The following ZEB2 variants were observed in gnomAD, a reference collection of about 807,000 sequenced individuals.
The protein encoded by ZEB2 is zinc finger E-box-binding homeobox 2.
A neutral mutation model predicts 99.9 loss-of-function variants in ZEB2; 6 were observed. That is an observed-to-expected ratio of 0.06 (90% CI 0.03 to 0.12). ZEB2 has a LOEUF of 0.12. ZEB2 is among the 10% of genes least tolerant of loss of function. The pLI is 1.00. For missense variants in ZEB2, 969 were observed against 1,502.8 expected (o/e 0.64, Z 5.87); for synonymous variants, 517 against 542.5 (o/e 0.95, Z 0.65).
Position 144,386,024 on chromosome 2 carries a change from T to G in ZEB2, c.*3427A>C, listed in dbSNP as rs1703078385. ...TCTCTCTTCCCAGTTATTTCAGGCC[T>G]AAGCTTACAGTGTCATGTGAAGAAA... On this transcript the variant is annotated 3_prime_UTR_variant, in exon 10 of 10. Transcript: ENST00000627532. The G allele has an allele frequency of 6.6e-6, 1 of 152,162 alleles. No individual in the cohort carries two copies. Among genetic ancestry groups the G allele is most frequent in the Non-Finnish European group, 1.5e-5 (1 of 68,024 alleles). 9.4% of individuals were successfully genotyped at this position (152,162 alleles called of 1,614,324 possible). A position where few individuals can be genotyped will look rare whatever the true frequency, so the allele number is the denominator to read the frequency against.
At chr2:144,414,642 G>A (rs981664663) in intron 4 of ZEB2, among the ~76,000 whole-genome samples, 2 of 152,178 alleles carry the variant, frequency 1.3e-5, no homozygotes, top group Admixed American at 1.3e-4. Context: ...GGTACAGTGA[G>A]GTTAGTGATT....
chr2:144,419,193 C>T lies in ZEB2; in HGVS notation c.403+5603G>A, dbSNP rs1054048798. Among the ~76,000 whole-genome samples the T allele has an allele frequency of 2.6e-5, 4 of 152,034 alleles. No individual in the cohort carries two copies. In the East Asian group the frequency reaches 5.8e-4, roughly 22 times the overall value. On this transcript the variant is annotated intron_variant, in intron 4 of 9. Coordinates refer to ENST00000627532, the MANE Select transcript of ZEB2 (RefSeq NM_014795.4). ...ATTGGTCTCTAGAATCTGGAGCCTC[C>T]CAAAACAATTGCCTCTCATATGTGA... is the stretch of plus-strand genomic sequence containing the variant.
At chr2:144,419,901 T>A (rs1703597001) in intron 4 of ZEB2, among the ~76,000 whole-genome samples, 2 of 152,194 alleles carry the variant, frequency 1.3e-5, no homozygotes. Flanking sequence ...TTAATCTAAC[T>A]TTGTTGTTAA....
At chr2:144,505,428 G>A (rs1704939030) in intron 2 of ZEB2, among the ~76,000 whole-genome samples, 1 of 152,162 alleles carries the variant, frequency 6.6e-6, no homozygotes, top group Non-Finnish European at 1.5e-5. Context: ...ACTAGATAAA[G>A]CCTGCCAGAA....
chr2:144,517,848 C>A, intron 1 of ZEB2: 1 of 548,236 alleles, frequency 1.8e-6, no homozygotes. Context: ...CCCCAATTCC[C>A]AGAGGAAACA....
chr2:144,399,508 C>T lies in ZEB2; in HGVS notation c.1679G>A (p.Arg560His), dbSNP rs370504406. The T allele has an allele frequency of 5.6e-6, 9 of 1,614,028 alleles. No homozygotes were observed. Among genetic ancestry groups the T allele is most frequent in the South Asian group, 1.1e-5 (1 of 91,092 alleles). The change falls in exon 8 of 10, where the codon CGT becomes CAT. Residue 560 changes from arginine to histidine, a missense_variant. This residue lies in a region of ZEB2 where 227 missense variants were observed against 278.2 expected (regional missense o/e 0.82). Coordinates refer to ENST00000627532, the MANE Select transcript of ZEB2 (RefSeq NM_014795.4). The surrounding 1 kb of genome is among the most constrained non-coding windows in gnomAD (Gnocchi z 5.6). ...ATCAGTGACCAAATCTATTAAAGTA[C>T]GTAGCTTCTCTTTCTTTATATTACT... Reference protein sequence around the residue: ...QISNIKKEKLRTLIDLVTDDK... With the variant: ...QISNIKKEKLHTLIDLVTDDK...
rs1386801811 is a variant in ZEB2 at position 144,384,676 on chromosome 2, T to A, written c.*4775A>T. 6.6e-6 allele frequency: 1 copy of A among 152,088 alleles called. No individual in the cohort carries two copies. The highest frequency in any genetic ancestry group is 1.5e-5 in the Non-Finnish European group (1 of 67,974). 9.4% of individuals were successfully genotyped at this position (152,088 alleles called of 1,614,324 possible). A position where few individuals can be genotyped will look rare whatever the true frequency, so the allele number is the denominator to read the frequency against. On this transcript the variant is annotated 3_prime_UTR_variant, in exon 10 of 10. Coordinates refer to ENST00000627532, the MANE Select transcript of ZEB2 (RefSeq NM_014795.4). ...AAAATATTGTCTAAAAAGTTTGTTTTGTCTGCATGATTTACTAAATATGTA... is the reference window on the plus strand; with the variant it reads ...AAAATATTGTCTAAAAAGTTTGTTTAGTCTGCATGATTTACTAAATATGTA...
intron 2 of ZEB2, among the ~76,000 whole-genome samples, chr2:144,471,501 C>T (rs992227944): frequency 6.6e-6 from 1 of 151,928 alleles, no homozygotes. Context: ...TTGTCATGCA[C>T]ACTCTTCTCT....
rs754087167 is a variant in ZEB2, at chr2:144,399,976, A to T, written c.1211T>A (p.Met404Lys). Residue 404 changes from methionine to lysine, a missense_variant, in exon 8 of 10, where the codon ATG (methionine) becomes AAG (lysine). By Grantham distance (95) the Met-to-Lys change is moderately conservative (BLOSUM62 -1). Coordinates refer to ENST00000627532, the MANE Select transcript of ZEB2 (RefSeq NM_014795.4). The surrounding 1 kb of genome is among the most constrained non-coding windows in gnomAD (Gnocchi z 5.6). The stretch of plus-strand genomic sequence containing the variant: ...AGTGCCACTAAACCCGTGTGTAGCC[A>T]TAAGAACTTTATAGTCATTGAAGTC... ...PLDFNDYKVL[M>K]ATHGFSGTSP... The T allele has an allele frequency of 6.2e-7, 1 of 1,614,242 alleles. No individual in the cohort carries two copies. The highest frequency in any genetic ancestry group is 8.5e-7 in the Non-Finnish European group (1 of 1,180,036).
intron 2 of ZEB2, among the ~76,000 whole-genome samples, chr2:144,472,762 C>T (rs1336709780): frequency 2.0e-5 from 3 of 151,954 alleles, no homozygotes; most frequent in Admixed American, 6.6e-5. Context: ...GTACCAGGAA[C>T]ATGTATACCA....
chr2:144,473,647 C>T (rs1296271020), intron 2 of ZEB2, among the ~76,000 whole-genome samples: 1 of 152,106 alleles, frequency 6.6e-6, no homozygotes, highest in East Asian at 1.9e-4. Context: ...TGCTAGAGAA[C>T]AGGATGTGCA....
chr2:144,453,960 T>C (rs921328825), intron 2 of ZEB2, among the ~76,000 whole-genome samples: 38 of 152,196 alleles, frequency 2.5e-4, no homozygotes, highest in African/African-American at 8.7e-4. Flanking sequence ...CGCAATGCCG[T>C]GTTAGAATAT....
chr2:144,517,839 C>A (rs146919201), intron 1 of ZEB2: 335 of 569,934 alleles, frequency 5.9e-4, no homozygotes, highest in Non-Finnish European at 8.8e-4. Flanking sequence ...CCCCCCACCC[C>A]CCAATTCCCA....
chr2:144,517,555 G>GGCCCCCCCC, intron 1 of ZEB2, 136 bp from the exon 2 acceptor site: 1 of 676,204 alleles, frequency 1.5e-6, no homozygotes, highest in South Asian at 1.6e-5. Context: ...AACTTCGGCG[G>GGCCCCCCCC]CCCCCTCCCC....
intron 2 of ZEB2, among the ~76,000 whole-genome samples, chr2:144,446,930 T>G (rs992992278): frequency 5.3e-5 from 8 of 150,794 alleles, no homozygotes; most frequent in Non-Finnish European, 8.9e-5. Flanking sequence ...GTGGGAGAAT[T>G]GCTTGAACCC....
chr2:144,441,209 A>AGAGAGAGAGAG (rs1553965039), intron 2 of ZEB2, among the ~76,000 whole-genome samples: 5 of 24,272 alleles, frequency 2.1e-4, no homozygotes, highest in Non-Finnish European at 3.3e-4. Context: ...GAGAGAGAGA[A>AGAGAGAGAGAG]CCTCATGCCT....
chr2:144,469,451 T>G (rs1031218932), intron 2 of ZEB2, among the ~76,000 whole-genome samples: 2 of 152,102 alleles, frequency 1.3e-5, no homozygotes, highest in Non-Finnish European at 2.9e-5. Flanking sequence ...CTGATCTGAG[T>G]GCTACAGACT....
chr2:144,510,123 C>T (rs1443489228), intron 2 of ZEB2, among the ~76,000 whole-genome samples: 1 of 151,856 alleles, frequency 6.6e-6, no homozygotes, highest in Non-Finnish European at 1.5e-5. Context: ...AACTTTTCCC[C>T]CTAAAATTCT....
intron 7 of ZEB2, among the ~76,000 whole-genome samples, chr2:144,400,774 ACG>A (rs1442628136): frequency 2.0e-5 from 3 of 152,234 alleles, no homozygotes; most frequent in Non-Finnish European, 4.4e-5. Context: ...TCTGTGATCC[ACG>A]GCCCTCAGGA....
Sources: gnomAD v4.1 joint callset for allele counts (sites outside exome capture counted in the v4.1 genomes callset) on GRCh38, gnomAD v4.1.1 for gene constraint, gnomAD v4.1.1 regional missense constraint, Gnocchi (gnomAD v3.1) non-coding constraint, MANE v1.5 for transcripts, NCBI Gene and HGNC (gene_info 2026-07-23, HGNC 2026-07-21) for gene names.